The following ADGRV1 variants were observed in gnomAD, a reference collection of about 807,000 sequenced individuals.
ADGRV1 encodes the protein G-protein coupled receptor 98.
A neutral mutation model predicts 596.2 loss-of-function variants in ADGRV1; 359 were observed. The ratio of observed to expected loss-of-function variants is 0.60; its 90% confidence interval spans 0.55 to 0.66. The LOEUF (loss-of-function observed/expected upper bound fraction) is 0.66, where lower values mean the gene tolerates loss of function less well. Ranked by LOEUF, ADGRV1 falls within the 30% of genes least tolerant of loss-of-function variation. The probability of loss-of-function intolerance (pLI) is 0.00; values close to 1 mark genes in which losing one functional copy is unlikely to be tolerated. For synonymous variants in ADGRV1, 2,681 were observed against 2,679.2 expected, an observed-to-expected ratio of 1.00 and a Z score of -0.02; for missense variants, 7,274 against 7,575.6, an observed-to-expected ratio of 0.96 and a Z score of 1.48.
chr5:90,991,244 C>T (rs1780933973), intron 85 of ADGRV1, among the ~76,000 whole-genome samples: 1 of 152,170 alleles, frequency 6.6e-6, no homozygotes, highest in Non-Finnish European at 1.5e-5. Flanking sequence ...TTTTGTACTT[C>T]TAAAATGCCT....
At chr5:90,670,759 C>T (rs1486409973) in intron 21 of ADGRV1, among the ~76,000 whole-genome samples, 1 of 152,166 alleles carries the variant, frequency 6.6e-6, no homozygotes, top group Non-Finnish European at 1.5e-5. Context: ...AAGTACTTCT[C>T]AATAAACCAT....
intron 1 of ADGRV1, among the ~76,000 whole-genome samples, chr5:90,590,193 A>T (rs927775832): frequency 6.6e-6 from 1 of 152,196 alleles, no homozygotes; most frequent in Non-Finnish European, 1.5e-5. Flanking sequence ...ATCTATTGCT[A>T]TGTAAGAAGC....
At chr5:90,605,413 TA>T (rs59423334) in intron 1 of ADGRV1, among the ~76,000 whole-genome samples, 37,593 of 137,236 alleles carry the variant, frequency 0.27, 5,936 homozygotes, top group African/African-American at 0.46. Context: ...GACTACGTCT[TA>T]AAAAAAAAAA....
At chr5:90,685,179 T>C (rs1745441794) in intron 28 of ADGRV1, among the ~76,000 whole-genome samples, 1 of 150,794 alleles carries the variant, frequency 6.6e-6, no homozygotes, top group Non-Finnish European at 1.5e-5. Context: ...TTCTCTAGAA[T>C]GTAAGCTACA....
intron 83 of ADGRV1, among the ~76,000 whole-genome samples, chr5:90,963,708 T>C (rs1362592002): frequency 6.6e-6 from 1 of 151,394 alleles, no homozygotes; most frequent in Admixed American, 6.6e-5. Context: ...CCAACTTCCT[T>C]CTATTATTGA....
rs550352644 is a variant in ADGRV1, at chr5:90,874,790, G to A, written c.17856+10933G>A. ...GGCGAATGGCGTGAACCCAGGAGGC[G>A]GAGCTTGCAGTGAGTGGAGATCGCA... On this transcript the variant is annotated intron_variant, in intron 83 of 89. Transcript: ENST00000405460. 1.5e-3 allele frequency among the ~76,000 whole-genome samples: 228 copies of A among 152,036 alleles called. 2 individuals are homozygous for A. Among genetic ancestry groups the A allele is most frequent in the Middle Eastern group, 0.01 (3 of 294 alleles).
chr5:90,851,710 A>G (rs1323466480), intron 79 of ADGRV1, among the ~76,000 whole-genome samples: 1 of 152,214 alleles, frequency 6.6e-6, no homozygotes, highest in African/African-American at 2.4e-5. Context: ...GGATTGATCA[A>G]GGTGAATGCA....
Position 90,927,393 on chromosome 5 carries a change from A to C in ADGRV1, c.17857-38022A>C, listed in dbSNP as rs372306480. Among the ~76,000 whole-genome samples, 316 of 152,200 alleles carry C rather than the reference A, an allele frequency of 2.1e-3. 1 individual carries two copies. The highest frequency in any genetic ancestry group is 5.0e-3 in the Admixed American group (77 of 15,288). ...GATCCCTTTACCATTATGTAATGGC[A>C]TTCTTTGTCTCTTTTGATCTTTGTT... On this transcript the variant is annotated intron_variant, in intron 83 of 89. Coordinates refer to ENST00000405460, the MANE Select transcript of ADGRV1 (RefSeq NM_032119.4).
chr5:90,764,626 C>G (rs1348355034), intron 59 of ADGRV1, among the ~76,000 whole-genome samples: 4 of 152,154 alleles, frequency 2.6e-5, no homozygotes, highest in African/African-American at 9.7e-5. Flanking sequence ...CTGTGCTCCC[C>G]CTCCCTTATG....
intron 84 of ADGRV1, among the ~76,000 whole-genome samples, chr5:90,969,293 G>A (rs989843429): frequency 6.6e-6 from 1 of 152,188 alleles, no homozygotes; most frequent in Admixed American, 6.5e-5. Flanking sequence ...AAGATAATAT[G>A]TTGTGGCTAA....
chr5:90,657,201 C>T (rs1398661882), intron 20 of ADGRV1, among the ~76,000 whole-genome samples: 1 of 150,502 alleles, frequency 6.6e-6, no homozygotes, highest in East Asian at 2.0e-4. Context: ...TTGGGAGGAT[C>T]GCTTGAGGCC....
intron 85 of ADGRV1, among the ~76,000 whole-genome samples, chr5:91,065,258 T>C (rs1001445367): frequency 9.2e-5 from 14 of 152,092 alleles, no homozygotes; most frequent in African/African-American, 3.1e-4. Flanking sequence ...AGGCTATCAT[T>C]GAAGAAATAC....
At chr5:90,838,909 A>G (rs1765195824) in intron 77 of ADGRV1, among the ~76,000 whole-genome samples, 1 of 152,186 alleles carries the variant, frequency 6.6e-6, no homozygotes, top group African/African-American at 2.4e-5. Flanking sequence ...TTGACTCTAC[A>G]TTTAAATATA....
chr5:91,079,252 C>T (rs1291893573), intron 86 of ADGRV1, among the ~76,000 whole-genome samples: 1 of 152,210 alleles, frequency 6.6e-6, no homozygotes, highest in Non-Finnish European at 1.5e-5. Flanking sequence ...CAGCTTCTCA[C>T]TCAACCGTGA....
rs371553975 is a variant in ADGRV1, at chr5:90,664,093, C to A, written c.4752+5815C>A. ...TTGGCTTAGGATTGCCTTGGCGATG[C>A]GGGCTCTTTTTTGGTTCCATATGAA... On this transcript the variant is annotated intron_variant, in intron 21 of 89. Transcript: ENST00000405460. 4.0e-4 allele frequency among the ~76,000 whole-genome samples: 58 copies of A among 146,374 alleles called. 1 individual carries two copies. The South Asian group carries it at 0.013, about 32-fold the overall frequency.
At chr5:90,705,261 C>A in intron 36 of ADGRV1, 139 bp from the exon 37 acceptor site, 1 of 656,290 alleles carries the variant, frequency 1.5e-6, no homozygotes, top group South Asian at 2.6e-5. Flanking sequence ...TGGAATGTGG[C>A]TTTTGTTAAC....
intron 85 of ADGRV1, among the ~76,000 whole-genome samples, chr5:91,020,826 C>T (rs10038122): frequency 0.71 from 107,308 of 151,900 alleles, 38,301 homozygotes; most frequent in African/African-American, 0.82. Context: ...ACCACTGCTT[C>T]GACATCTAAA....
intron 87 of ADGRV1, among the ~76,000 whole-genome samples, chr5:91,147,125 C>G (rs1180024761): frequency 6.7e-6 from 1 of 150,330 alleles, no homozygotes; most frequent in Non-Finnish European, 1.5e-5. Context: ...GTGATTGCAC[C>G]ACTGCACTCC....
chr5:90,706,403 CT>C lies in ADGRV1; in HGVS notation c.8730+21del, dbSNP rs60522638. ...ACATTACCATTCTTGAGGTAAAACT[CT>C]TTTTTTTTTTTAATCTTAGGGGGAG... On this transcript the variant is annotated intron_variant, in intron 38 of 89. Transcript: ENST00000405460. 0.026 allele frequency: 34,384 copies of C among 1,318,768 alleles called. 7 individuals carry two copies. The highest frequency in any genetic ancestry group is 0.028 in the South Asian group (1,883 of 66,498). 81.7% of individuals were successfully genotyped at this position (1,318,768 alleles called of 1,614,324 possible). A position where few individuals can be genotyped will look rare whatever the true frequency, so the allele number is the denominator to read the frequency against.
Sources: gnomAD v4.1 joint callset for allele counts (sites outside exome capture counted in the v4.1 genomes callset) on GRCh38, gnomAD v4.1.1 for gene constraint, MANE v1.5 for transcripts, NCBI Gene and HGNC (gene_info 2026-07-23, HGNC 2026-07-21) for gene names.